ACP4: variants seen among roughly 807,000 people sequenced by gnomAD.
The protein encoded by ACP4 is testicular acid phosphatase.
ACP4 carries 49 observed loss-of-function variants against 47.3 expected under a neutral mutation model. That is an observed-to-expected ratio of 1.04 (90% CI 0.82 to 1.32). The LOEUF (loss-of-function observed/expected upper bound fraction) is 1.32. Among genes scored for constraint, ACP4 ranks in the 40% most tolerant of loss-of-function variants. The pLI is 0.00. For synonymous variants in ACP4, 299 were observed against 265.3 expected (o/e 1.13, Z -1.23); for missense variants, 594 against 579.3 (o/e 1.03, Z -0.26).
At chr19:50,793,846 C>A in intron 7 of ACP4, 30 bp downstream of exon 7, 1 of 1,614,064 alleles carries the variant, frequency 6.2e-7, no homozygotes, top group Non-Finnish European at 8.5e-7. Context: ...GGCTGGGGTG[C>A]CTTCCTCTGG....
intron 9 of ACP4, 60 bp downstream of exon 9, chr19:50,794,641 ATG>A (rs1219729611): frequency 1.9e-6 from 3 of 1,612,442 alleles, no homozygotes; most frequent in Middle Eastern, 1.7e-4. Context: ...GCAAGGGGTG[ATG>A]TGTCAGGCAG....
rs1444869659 is a variant in ACP4 at position 50,794,749 on chromosome 19, A to T, written c.987-37A>T. ...TTCTCCAGGCTTTAAGATCAATGAC[A>T]GGAGGGAGGAGGTGCCACCATGTCC... On this transcript the variant is annotated intron_variant, in intron 9 of 10. Coordinates refer to ENST00000270593, the MANE Select transcript of ACP4 (RefSeq NM_033068.3). 3.8e-6 allele frequency: 6 copies of T among 1,574,564 alleles called. No homozygotes were observed. In the South Asian group the frequency reaches 7.1e-5, roughly 19 times the overall value.
rs2089491577 is a variant in ACP4 at position 50,790,500 on chromosome 19, A to G, written c.86A>G (p.Glu29Gly). ...GTGCTGCCACCCCGGGCCCTGCCAG[A>G]AGGACCCCTGGTGTTCGTGGCTCTG... Reference protein sequence around the residue: ...LLVLPPRALPEGPLVFVALVF... With the variant: ...LLVLPPRALPGGPLVFVALVF... Residue 29 changes from glutamate to glycine, a missense_variant, in exon 1 of 11, where the codon GAA (glutamate) becomes GGA (glycine). Coordinates refer to ENST00000270593, the MANE Select transcript of ACP4 (RefSeq NM_033068.3). The G allele has an allele frequency of 1.9e-6, 3 of 1,554,178 alleles. No individual in the cohort carries two copies. The highest frequency in any genetic ancestry group is 2.6e-6 in the Non-Finnish European group (3 of 1,151,288).
rs1319966793 is a variant in ACP4 at position 50,790,612 on chromosome 19, C to T, written c.130C>T (p.Arg44Trp). 11 of 1,551,180 alleles carry T rather than the reference C, an allele frequency of 7.1e-6. No individual in the cohort carries two copies. The highest frequency in any genetic ancestry group is 3.9e-5 in the Admixed American group (2 of 51,458). ...FVALVFRHGDRAPLASYPMDP... is the reference protein window; with the variant it reads ...FVALVFRHGDWAPLASYPMDP... Reference sequence around the variant, plus strand: ...TCCCCAGGTATTCCGCCATGGCGACCGGGCCCCGCTGGCCTCCTACCCCAT... The same window carrying T: ...TCCCCAGGTATTCCGCCATGGCGACTGGGCCCCGCTGGCCTCCTACCCCAT... Residue 44 changes from arginine (R) to tryptophan (W), a missense_variant, in exon 2 of 11, where the codon CGG becomes TGG. By Grantham distance (101) the Arg-to-Trp change is moderately radical. Transcript: ENST00000270593.
chr19:50,795,184 C>G lies in ACP4; in HGVS notation c.*26C>G. 2 of 1,513,346 alleles carry G rather than the reference C, an allele frequency of 1.3e-6. No homozygotes were observed. The highest frequency in any genetic ancestry group is 8.8e-7 in the Non-Finnish European group (1 of 1,131,172). The allele number at this position is 1,513,346 out of a possible 1,614,324, so 93.7% of individuals were successfully genotyped here. On this transcript the variant is annotated 3_prime_UTR_variant, in exon 11 of 11. Transcript: ENST00000270593. The stretch of plus-strand genomic sequence containing the variant: ...GCCAGAAACCAGGGCTTCCCTACCC[C>G]CAGCTGACACTGGACCCCAACATGT...
intron 8 of ACP4, among the ~76,000 whole-genome samples, chr19:50,794,220 A>C (rs1231012678): frequency 2.6e-5 from 4 of 152,254 alleles, no homozygotes; most frequent in Non-Finnish European, 5.9e-5. Flanking sequence ...TGGACTAAGC[A>C]GTCTGTCCTT....
intron 6 of ACP4, 196 bp from the exon 7 acceptor site, chr19:50,793,488 C>G: frequency 1.3e-6 from 1 of 776,782 alleles, no homozygotes; most frequent in South Asian, 2.0e-5. Flanking sequence ...GCACTCCAGC[C>G]TAGGTGATGG....
rs2089542414 is a variant in ACP4 at position 50,794,818 on chromosome 19, A to C, written c.1019A>C (p.Asp340Ala). The change falls in exon 10 of 11, where the codon GAC becomes GCC. Residue 340 changes from aspartate (D) to alanine (A), a missense_variant. Physicochemically the swap from Asp to Ala is moderately radical, Grantham distance 126. Transcript: ENST00000270593. The stretch of plus-strand genomic sequence containing the variant: ...ACCGTCTCCCTCTTCTACCGCAATG[A>C]CTCCGCCCACCTGCCCCTGCCTCTC... Reference protein sequence around the residue: ...NVTVSLFYRNDSAHLPLPLSL... With the variant: ...NVTVSLFYRNASAHLPLPLSL... The C allele has an allele frequency of 1.2e-6, 2 of 1,608,310 alleles. No homozygotes were observed.
At chr19:50,793,519 C>T (rs2089527486) in intron 6 of ACP4, 165 bp from the exon 7 acceptor site, 1 of 1,092,350 alleles carries the variant, frequency 9.2e-7, no homozygotes, top group Middle Eastern at 3.1e-4. Context: ...CGTTTCAAAA[C>T]AAAAAACAAC....
At position 50,791,762 on chromosome 19, in the gene ACP4, G is replaced by C. The variant is rs769321632; in HGVS notation, c.410G>C (p.Arg137Thr). ...AAPGSPEARWRPIPVHTVPVA... is the reference protein window; with the variant it reads ...AAPGSPEARWTPIPVHTVPVA... The stretch of plus-strand genomic sequence containing the variant: ...CCAGGGAGCCCCGAGGCCCGCTGGA[G>C]GCCGATCCCGGTGCACACGGTGCCC... The change falls in exon 4 of 11, where the codon AGG (arginine) becomes ACG (threonine). Residue 137 changes from arginine (R) to threonine (T), a missense_variant. Arg to Thr is a moderately conservative substitution (Grantham distance 71, BLOSUM62 -1). Coordinates refer to ENST00000270593, the MANE Select transcript of ACP4 (RefSeq NM_033068.3). 20 of 1,612,468 alleles carry C rather than the reference G, an allele frequency of 1.2e-5. No homozygotes were observed. The highest frequency in any genetic ancestry group is 1.7e-5 in the Non-Finnish European group (20 of 1,179,664).
intron 8 of ACP4, 39 bp from the exon 9 acceptor site, chr19:50,794,418 A>G (rs2089537185): frequency 6.2e-7 from 1 of 1,610,730 alleles, no homozygotes; most frequent in African/African-American, 1.3e-5. Context: ...AAAGGCCTCC[A>G]GAGAGAAGTG....
At position 50,794,816 on chromosome 19, in the gene ACP4, T is replaced by G. The variant is rs139300308; in HGVS notation, c.1017T>G (p.Asn339Lys). 1.2e-6 allele frequency: 2 copies of G among 1,609,210 alleles called. No homozygotes were observed. Among genetic ancestry groups the G allele is most frequent in the Admixed American group, 3.4e-5 (2 of 59,598 alleles). ...TCACCGTCTCCCTCTTCTACCGCAATGACTCCGCCCACCTGCCCCTGCCTC... is the reference window on the plus strand; with the variant it reads ...TCACCGTCTCCCTCTTCTACCGCAAGGACTCCGCCCACCTGCCCCTGCCTC... ...GNVTVSLFYR[N>K]DSAHLPLPLS... The change falls in exon 10 of 11, where the codon AAT becomes AAG. Residue 339 changes from asparagine to lysine, a missense_variant. By Grantham distance (94) the Asn-to-Lys change is moderately conservative (BLOSUM62 0). Coordinates refer to ENST00000270593, the MANE Select transcript of ACP4 (RefSeq NM_033068.3).
At chr19:50,791,850 G>T in intron 4 of ACP4, 48 bp downstream of exon 4, 1 of 1,542,046 alleles carries the variant, frequency 6.5e-7, no homozygotes, top group Non-Finnish European at 8.8e-7. Flanking sequence ...CGGGTGGAGA[G>T]AGAGGCAGCT....
chr19:50,795,116 C>T lies in ACP4; in HGVS notation c.1239C>T (p.Ala413=). The T allele has an allele frequency of 1.3e-6, 2 of 1,570,022 alleles. No individual in the cohort carries two copies. Among genetic ancestry groups the T allele is most frequent in the South Asian group, 1.2e-5 (1 of 86,732 alleles). The change falls in exon 11 of 11, where the codon GCC becomes GCT. Residue 413 remains alanine, a synonymous_variant. Coordinates refer to ENST00000270593, the MANE Select transcript of ACP4 (RefSeq NM_033068.3). The stretch of plus-strand genomic sequence containing the variant: ...TCAGCTTGGGGCTGGGCCTGCTGGC[C>T]TGGAGACCAGGGTGCCTGCGGGCCT... ...VALSLGLGLL[A]WRPGCLRALG...
At position 50,791,709 on chromosome 19, in the gene ACP4, C is replaced by T. The variant is rs768462254; in HGVS notation, c.357C>T (p.Asn119=). Residue 119 remains asparagine (N), a synonymous_variant, in exon 4 of 11, where the codon AAC becomes AAT. Transcript: ENST00000270593. The stretch of plus-strand genomic sequence containing the variant: ...GCACGCTGGAGAGTGCCCAGGCCAA[C>T]CTTGCCGGGCTGTTTCCCGAGGCTG... ...FDRTLESAQA[N]LAGLFPEAAP... is the part of the protein sequence containing the mutation. 6.2e-7 allele frequency: 1 copy of T among 1,613,422 alleles called. No homozygotes were observed. Among genetic ancestry groups the T allele is most frequent in the East Asian group, 2.2e-5 (1 of 44,878 alleles).
chr19:50,791,737 C>T lies in ACP4; in HGVS notation c.385C>T (p.Pro129Ser). Residue 129 changes from proline (P) to serine (S), a missense_variant, in exon 4 of 11, where the codon CCA (proline) becomes TCA (serine). Physicochemically the swap from Pro to Ser is moderately conservative, Grantham distance 74. Transcript: ENST00000270593. The stretch of plus-strand genomic sequence containing the variant: ...TGCCGGGCTGTTTCCCGAGGCTGCT[C>T]CAGGGAGCCCCGAGGCCCGCTGGAG... ...NLAGLFPEAA[P>S]GSPEARWRPI... The T allele has an allele frequency of 6.2e-7, 1 of 1,612,984 alleles. No homozygotes were observed. Among genetic ancestry groups the T allele is most frequent in the South Asian group, 1.1e-5 (1 of 91,074 alleles).
chr19:50,790,982 T>A, intron 3 of ACP4, 122 bp downstream of exon 3: 2 of 960,672 alleles, frequency 2.1e-6, no homozygotes, highest in Non-Finnish European at 3.1e-6. Flanking sequence ...ACTTGCCCTC[T>A]ACCTCTAATC....
Position 50,790,539 on chromosome 19 carries a change from A to C in ACP4, c.111+14A>C, listed in dbSNP as rs1172918973. 6.5e-7 allele frequency: 1 copy of C among 1,540,286 alleles called. No individual in the cohort carries two copies. The highest frequency in any genetic ancestry group is 1.2e-5 in the South Asian group (1 of 83,612). On this transcript the variant is annotated intron_variant, in intron 1 of 10. Transcript: ENST00000270593. Reference sequence around the variant, plus strand: ...TTCGTGGCTCTGGTGAGGCGCCCCCACCCCGGCCTGCCCTTAGCTCCCCCA... The same window carrying C: ...TTCGTGGCTCTGGTGAGGCGCCCCCCCCCCGGCCTGCCCTTAGCTCCCCCA...
chr19:50,793,739 T>C lies in ACP4; in HGVS notation c.701T>C (p.Leu234Pro). The C allele has an allele frequency of 1.2e-6, 2 of 1,613,804 alleles. No individual in the cohort carries two copies. Among genetic ancestry groups the C allele is most frequent in the South Asian group, 1.1e-5 (1 of 91,082 alleles). The change falls in exon 7 of 11, where the codon CTT (leucine) becomes CCT (proline). Residue 234 changes from leucine (L) to proline (P), a missense_variant. Coordinates refer to ENST00000270593, the MANE Select transcript of ACP4 (RefSeq NM_033068.3). ...AWASPDVLRT[L>P]AQISALDIGA... The stretch of plus-strand genomic sequence containing the variant: ...GCCTCCCCAGATGTCCTGCGGACTC[T>C]TGCCCAGATCTCGGCTTTGGATATT...
Sources: allele counts gnomAD v4.1 joint callset (sites outside exome capture counted in the v4.1 genomes callset), GRCh38; gene constraint gnomAD v4.1.1; transcripts MANE v1.5; gene names NCBI Gene and HGNC (gene_info 2026-07-23, HGNC 2026-07-21).